The following ARSB variants were observed in gnomAD, a reference collection of about 807,000 sequenced individuals.
ARSB encodes N-acetylgalactosamine-4-sulfatase.
ARSB carries 41 observed loss-of-function variants against 50.9 expected under a neutral mutation model. The ratio of observed to expected loss-of-function variants is 0.81; its 90% CI spans 0.63 to 1.04. The LOEUF (loss-of-function observed/expected upper bound fraction) is 1.04. Among genes scored for constraint, ARSB ranks in the 50% least tolerant of loss-of-function variants. The probability of loss-of-function intolerance (pLI) is 0.00; values close to 1 mark genes in which losing one functional copy is unlikely to be tolerated. For missense variants in ARSB, 672 were observed against 693.3 expected (o/e 0.97, Z 0.35); for synonymous variants, 269 against 284.8 (o/e 0.94, Z 0.56).
intron 5 of ARSB, among the ~76,000 whole-genome samples, 183 bp from the exon 6 acceptor site, chr5:78,839,609 T>C (rs1581024705): frequency 1.3e-5 from 2 of 152,198 alleles, no homozygotes; most frequent in African/African-American, 4.8e-5. Context: ...TTTGTTTACA[T>C]TGACCGAACC....
At chr5:78,938,183 C>T (rs951804015) in intron 4 of ARSB, among the ~76,000 whole-genome samples, 2 of 152,228 alleles carry the variant, frequency 1.3e-5, no homozygotes, top group Non-Finnish European at 1.5e-5. Context: ...CCATCCCCAG[C>T]CCTGGAACCT....
At chr5:78,814,791 C>G (rs1743931450) in intron 6 of ARSB, among the ~76,000 whole-genome samples, 1 of 150,674 alleles carries the variant, frequency 6.6e-6, no homozygotes. Flanking sequence ...CTTGAATCAC[C>G]AGAAATTCCT....
intron 4 of ARSB, among the ~76,000 whole-genome samples, chr5:78,907,205 A>G (rs1214337946): frequency 6.6e-6 from 1 of 152,230 alleles, no homozygotes; most frequent in Non-Finnish European, 1.5e-5. Context: ...TTTCCATCAG[A>G]GGGCAAGGGG....
chr5:78,906,374 C>G (rs913711339), intron 4 of ARSB, among the ~76,000 whole-genome samples: 9 of 151,924 alleles, frequency 5.9e-5, no homozygotes, highest in East Asian at 1.9e-4. Context: ...AATAGGAATT[C>G]CCCATATTCT....
chr5:78,936,828 AGTTT>A (rs1750627814), intron 4 of ARSB, among the ~76,000 whole-genome samples: 2 of 152,174 alleles, frequency 1.3e-5, no homozygotes, highest in African/African-American at 4.8e-5. Context: ...ATTAATAATT[AGTTT>A]GTCTTTGTAG....
intron 4 of ARSB, 46 bp downstream of exon 4, chr5:78,955,249 T>C (rs373376330): frequency 1.3e-6 from 2 of 1,590,912 alleles, no homozygotes; most frequent in South Asian, 1.1e-5. Flanking sequence ...TCAAATACCA[T>C]GTCCTAGGCT....
At chr5:78,834,605 G>GTATATA (rs1339499167) in intron 6 of ARSB, among the ~76,000 whole-genome samples, 5 of 65,276 alleles carry the variant, frequency 7.7e-5, no homozygotes, top group African/African-American at 1.8e-4. Context: ...GTATATATAT[G>GTATATA]TGTATATATA....
intron 4 of ARSB, among the ~76,000 whole-genome samples, chr5:78,948,238 G>C (rs1751336442): frequency 6.6e-6 from 1 of 152,070 alleles, no homozygotes; most frequent in South Asian, 2.1e-4. Flanking sequence ...ACACAATAGG[G>C]TGACTACAGT....
intron 5 of ARSB, among the ~76,000 whole-genome samples, chr5:78,852,170 A>T (rs1745836870): frequency 6.6e-6 from 1 of 152,110 alleles, no homozygotes; most frequent in Admixed American, 6.6e-5. Flanking sequence ...GGTCTTTACA[A>T]TTTGGCATGA....
intron 1 of ARSB, among the ~76,000 whole-genome samples, chr5:78,980,247 T>C (rs1752844620): frequency 1.3e-5 from 2 of 152,218 alleles, no homozygotes; most frequent in Non-Finnish European, 2.9e-5. Flanking sequence ...TAACTTAATA[T>C]TGCCAGTGGG....
rs373034110 is a variant in ARSB at position 78,815,966 on chromosome 5, C to A, written c.1213+23390G>T. 2.6e-6 allele frequency: 4 copies of A among 1,548,716 alleles called. 1 individual carries two copies. The African/African-American group carries it at 5.9e-5, about 23-fold the overall frequency. ...CCTATGATGCCAGGTTCCTAGTTCC[C>A]GCCTCTTCTGCCACTTCTGCAGGAG... On this transcript the variant is annotated intron_variant, in intron 6 of 7. Coordinates refer to ENST00000264914, the MANE Select transcript of ARSB (RefSeq NM_000046.5).
chr5:78,813,676 G>A (rs141189692), intron 6 of ARSB, among the ~76,000 whole-genome samples: 2 of 152,040 alleles, frequency 1.3e-5, no homozygotes, highest in Admixed American at 1.3e-4. Flanking sequence ...AGGATCACTT[G>A]AGCCAGGGAG....
intron 6 of ARSB, among the ~76,000 whole-genome samples, chr5:78,801,918 G>C (rs1386370266): frequency 6.6e-6 from 1 of 152,082 alleles, no homozygotes; most frequent in Non-Finnish European, 1.5e-5. Flanking sequence ...AGAAATAAAT[G>C]TCTATACTGT....
At chr5:78,969,808 G>A (rs1160334664) in intron 1 of ARSB, among the ~76,000 whole-genome samples, 1 of 152,220 alleles carries the variant, frequency 6.6e-6, no homozygotes, top group African/African-American at 2.4e-5. Context: ...TAGTAGAGAC[G>A]GGGTTTCACC....
At chr5:78,806,200 C>A (rs1743553776) in intron 6 of ARSB, among the ~76,000 whole-genome samples, 2 of 152,118 alleles carry the variant, frequency 1.3e-5, no homozygotes, top group Admixed American at 1.3e-4. Flanking sequence ...AAAGGGATGA[C>A]AATAATCAAA....
At chr5:78,841,083 C>T (rs1287088407) in intron 5 of ARSB, among the ~76,000 whole-genome samples, 1 of 151,548 alleles carries the variant, frequency 6.6e-6, no homozygotes, top group Non-Finnish European at 1.5e-5. Context: ...TCCCTTGAGG[C>T]CAGCCAGGAG....
chr5:78,792,521 T>C (rs533976390), intron 6 of ARSB, among the ~76,000 whole-genome samples: 6 of 152,326 alleles, frequency 3.9e-5, no homozygotes, highest in South Asian at 2.1e-4. Context: ...GGCATTTCAA[T>C]AGCCTTTAGA....
At chr5:78,913,364 T>C (rs1056527605) in intron 4 of ARSB, among the ~76,000 whole-genome samples, 1 of 152,106 alleles carries the variant, frequency 6.6e-6, no homozygotes, top group Non-Finnish European at 1.5e-5. Context: ...GACCTCGTGA[T>C]CCGCCCGCCT....
intron 4 of ARSB, among the ~76,000 whole-genome samples, chr5:78,937,753 T>C (rs1374042648): frequency 6.6e-6 from 1 of 151,994 alleles, no homozygotes; most frequent in Admixed American, 6.6e-5. Flanking sequence ...GGTTTTAAAA[T>C]GTATTGGTTA....
Sources: gnomAD v4.1 joint callset for allele counts (sites outside exome capture counted in the v4.1 genomes callset) on GRCh38, gnomAD v4.1.1 for gene constraint, MANE v1.5 for transcripts, NCBI Gene and HGNC (gene_info 2026-07-23, HGNC 2026-07-21) for gene names.